Variants in OLA1 observed in about 807,000 individuals in gnomAD.
OLA1 encodes the protein obg-like ATPase 1.
OLA1 carries 14 observed loss-of-function variants against 48.4 expected under a neutral mutation model. The ratio of observed to expected loss-of-function variants is 0.29; its 90% CI spans 0.19 to 0.45. The LOEUF (loss-of-function observed/expected upper bound fraction) is 0.45, where lower values mean the gene tolerates loss of function less well. OLA1 is among the 20% of genes least tolerant of loss of function. OLA1 has a pLI of 1.00. For missense variants in OLA1, 325 were observed against 467.1 expected (o/e 0.70, Z 2.80); for synonymous variants, 127 against 150.4 (o/e 0.84, Z 1.14).
At chr2:174,229,543 T>C in intron 2 of OLA1, 92 bp from the exon 3 acceptor site, 1 of 909,940 alleles carries the variant, frequency 1.1e-6, no homozygotes, top group African/African-American at 1.7e-5. Flanking sequence ...ATAAGATCCA[T>C]GAGGAATATA....
intron 5 of OLA1, among the ~76,000 whole-genome samples, chr2:174,138,016 A>G (rs940337656): frequency 1.3e-5 from 2 of 152,160 alleles, no homozygotes; most frequent in Non-Finnish European, 2.9e-5. Flanking sequence ...AAAACAAAAA[A>G]TCCCTTTCTC....
intron 4 of OLA1, among the ~76,000 whole-genome samples, chr2:174,173,223 A>G (rs1439485957): frequency 6.6e-6 from 1 of 152,242 alleles, no homozygotes; most frequent in African/African-American, 2.4e-5. Flanking sequence ...AAGGCTCTCA[A>G]GACTCTCTAC....
chr2:174,242,467 C>A (rs762837059), intron 2 of OLA1, among the ~76,000 whole-genome samples: 5 of 152,154 alleles, frequency 3.3e-5, no homozygotes, highest in Non-Finnish European at 7.4e-5. Context: ...CGCCACAGAT[C>A]GGTACCAGTC....
In OLA1 at chr2:174,081,979, G is replaced by C. The variant is rs867324388; in HGVS notation, c.814C>G (p.Gln272Glu). 4 of 1,613,124 alleles carry C rather than the reference G, an allele frequency of 2.5e-6. No individual in the cohort carries two copies. In the Middle Eastern group the frequency reaches 5.1e-4, roughly 204 times the overall value. Residue 272 changes from glutamine (Q) to glutamate (E), a missense_variant, in exon 8 of 11, where the codon CAA (glutamine) becomes GAA (glutamate). Transcript: ENST00000284719. ...PFSGALELKL[Q>E]ELSAEERQKY... ...TGTCTCTCCTCAGCACTCAATTCTT[G>C]CAACTTGAGTTCCAAGGCCCCACTA... is the stretch of plus-strand genomic sequence containing the variant.
chr2:174,126,017 TTTTA>T (rs1686036619), intron 5 of OLA1, among the ~76,000 whole-genome samples: 1 of 152,170 alleles, frequency 6.6e-6, no homozygotes, highest in African/African-American at 2.4e-5. Context: ...AAGATGTCAG[TTTTA>T]TTTAAGACAA....
intron 7 of OLA1, among the ~76,000 whole-genome samples, chr2:174,104,497 T>C (rs571058509): frequency 6.6e-6 from 1 of 152,110 alleles, no homozygotes; most frequent in Admixed American, 6.6e-5. Context: ...TAATGCAGCA[T>C]AACATAGCAG....
chr2:174,162,132 A>T (rs1558983597), intron 4 of OLA1, among the ~76,000 whole-genome samples: 1 of 152,242 alleles, frequency 6.6e-6, no homozygotes, highest in Non-Finnish European at 1.5e-5. Context: ...GAGGTACAGC[A>T]AAGGCAAGGG....
chr2:174,103,285 T>TA (rs1357811526), intron 7 of OLA1, among the ~76,000 whole-genome samples: 4 of 151,902 alleles, frequency 2.6e-5, no homozygotes, highest in Non-Finnish European at 4.4e-5. Context: ...TTAAATGACT[T>TA]AAAAAAAAGA....
At chr2:174,234,390 C>A (rs1229947189) in intron 2 of OLA1, among the ~76,000 whole-genome samples, 2 of 152,146 alleles carry the variant, frequency 1.3e-5, no homozygotes, top group African/African-American at 4.8e-5. Context: ...AAATTACACA[C>A]AAATCTTTGA....
chr2:174,115,488 A>G lies in OLA1; in HGVS notation c.728+7692T>C, dbSNP rs115476313. 4.0e-3 allele frequency among the ~76,000 whole-genome samples: 610 copies of G among 152,378 alleles called. 2 individuals are homozygous for G. The highest frequency in any genetic ancestry group is 6.0e-3 in the South Asian group (29 of 4,834). ...GAAAATACATTATGGTTATTCTTAA[A>G]ACCCAAATAAAATTTTAGAACACAT... On this transcript the variant is annotated intron_variant, in intron 7 of 10. Transcript: ENST00000284719.
Position 174,105,527 on chromosome 2 carries a change from T to C in OLA1, c.728+17653A>G, listed in dbSNP as rs138378891. ...CAAACAATTCTTCAATGTTCTGTTTTCTAGATTAATCTATGCCATACAACT... is the reference window on the plus strand; with the variant it reads ...CAAACAATTCTTCAATGTTCTGTTTCCTAGATTAATCTATGCCATACAACT... On this transcript the variant is annotated intron_variant, in intron 7 of 10. Transcript: ENST00000284719. 7.1e-3 allele frequency among the ~76,000 whole-genome samples: 1,076 copies of C among 152,124 alleles called. 5 individuals carry two copies. Among genetic ancestry groups the C allele is most frequent in the Non-Finnish European group, 0.01 (693 of 67,872 alleles).
intron 5 of OLA1, among the ~76,000 whole-genome samples, chr2:174,137,362 C>G (rs1198197531): frequency 8.2e-6 from 1 of 121,802 alleles, no homozygotes; most frequent in African/African-American, 2.9e-5. Flanking sequence ...ACTTATATAG[C>G]ACAGGCAGAA....
chr2:174,178,436 T>A (rs1687466254), intron 4 of OLA1, among the ~76,000 whole-genome samples: 1 of 151,938 alleles, frequency 6.6e-6, no homozygotes, highest in Non-Finnish European at 1.5e-5. Context: ...AGGAACACTA[T>A]AAATAATCAC....
At chr2:174,245,162 G>T (rs752207974) in intron 2 of OLA1, among the ~76,000 whole-genome samples, 23 of 152,112 alleles carry the variant, frequency 1.5e-4, no homozygotes, top group Admixed American at 3.9e-4. Context: ...CATAAATAAT[G>T]ATCATAGCTT....
At chr2:174,113,612 T>C (rs2105361060) in intron 7 of OLA1, among the ~76,000 whole-genome samples, 1 of 152,320 alleles carries the variant, frequency 6.6e-6, no homozygotes, top group African/African-American at 2.4e-5. Context: ...AATGTTGTCT[T>C]GAGAATTGTT....
intron 7 of OLA1, among the ~76,000 whole-genome samples, chr2:174,109,372 A>T (rs942230844): frequency 6.6e-6 from 1 of 152,160 alleles, no homozygotes; most frequent in Admixed American, 6.5e-5. Flanking sequence ...CCACCAATAC[A>T]TATTTTACTT....
At chr2:174,247,631 C>T in intron 1 of OLA1, 1 of 1,549,888 alleles carries the variant, frequency 6.5e-7, no homozygotes, top group Non-Finnish European at 8.7e-7. Flanking sequence ...CTTTCCCATT[C>T]GCCCACAACC....
chr2:174,234,147 C>G (rs1284802721), intron 2 of OLA1, among the ~76,000 whole-genome samples: 1 of 152,278 alleles, frequency 6.6e-6, no homozygotes, highest in African/African-American at 2.4e-5. Context: ...ACCCACTCAA[C>G]ATGAAGACAA....
chr2:174,147,800 A>G (rs1267624364), intron 4 of OLA1, among the ~76,000 whole-genome samples: 1 of 152,010 alleles, frequency 6.6e-6, no homozygotes. Context: ...TTATAGAAAA[A>G]CAAGTCTTTT....
Sources: gnomAD v4.1 joint callset for allele counts (sites outside exome capture counted in the v4.1 genomes callset) on GRCh38, gnomAD v4.1.1 for gene constraint, MANE v1.5 for transcripts, NCBI Gene and HGNC (gene_info 2026-07-23, HGNC 2026-07-21) for gene names.